SIN3A: variants seen among roughly 807,000 people sequenced by gnomAD.
The protein encoded by SIN3A is SIN3 transcription regulator family member A, also known as paired amphipathic helix protein Sin3a.
Under a neutral mutation model 146.1 loss-of-function variants are expected in SIN3A, and 14 were observed. The ratio of observed to expected loss-of-function variants is 0.10; its 90% CI spans 0.06 to 0.15. The LOEUF is 0.15. Among genes scored for constraint, SIN3A ranks in the 10% least tolerant of loss-of-function variants. SIN3A has a pLI of 1.00. For synonymous variants in SIN3A, 572 were observed against 572.0 expected (o/e 1.00, Z 0.00); for missense variants, 1,028 against 1,576.0 (o/e 0.65, Z 5.89).
chr15:75,438,941 G>C (rs953853107), intron 1 of SIN3A, among the ~76,000 whole-genome samples: 7 of 152,158 alleles, frequency 4.6e-5, no homozygotes, highest in African/African-American at 1.7e-4. Context: ...TGCTAAGAAA[G>C]AATCTATTAC....
At position 75,443,348 on chromosome 15, in the gene SIN3A, C is replaced by A. The variant is rs567598771; in HGVS notation, c.-34+8075G>T. Reference sequence around the variant, plus strand: ...ATAAAAATTACCATGTACTCCTTCACCTAGATTCTCCAAATGTTAACATCT... The same window carrying A: ...ATAAAAATTACCATGTACTCCTTCAACTAGATTCTCCAAATGTTAACATCT... On this transcript the variant is annotated intron_variant, in intron 1 of 20. Coordinates refer to ENST00000394947, the MANE Select transcript of SIN3A (RefSeq NM_001145358.2). 3.9e-5 allele frequency among the ~76,000 whole-genome samples: 6 copies of A among 152,278 alleles called. No individual in the cohort carries two copies. The South Asian group carries it at 1.2e-3, about 32-fold the overall frequency.
intron 12 of SIN3A, among the ~76,000 whole-genome samples, chr15:75,397,166 G>T (rs574497617): frequency 6.6e-6 from 1 of 152,270 alleles, no homozygotes; most frequent in Non-Finnish European, 1.5e-5. Flanking sequence ...TTAAAATAAG[G>T]TTCTCTAAAT....
At chr15:75,428,906 G>A (rs1044876158) in intron 2 of SIN3A, among the ~76,000 whole-genome samples, 2 of 152,110 alleles carry the variant, frequency 1.3e-5, no homozygotes, top group Admixed American at 6.6e-5. Context: ...TCCTCAATGT[G>A]AAGACAAGGA....
intron 20 of SIN3A, among the ~76,000 whole-genome samples, chr15:75,374,185 T>G (rs1408897864): frequency 6.6e-6 from 1 of 152,098 alleles, no homozygotes; most frequent in Non-Finnish European, 1.5e-5. Flanking sequence ...CACCATCTCT[T>G]GTCAATTAAA....
At chr15:75,453,243 T>C (rs1427161537), upstream of SIN3A, 1 of 152,558 alleles carries the variant, frequency 6.6e-6, no homozygotes, top group Non-Finnish European at 1.5e-5. Flanking sequence ...AGCGATGGCT[T>C]CGAGCCGCGA....
chr15:75,399,451 C>T (rs2073369614), intron 12 of SIN3A, among the ~76,000 whole-genome samples: 1 of 152,090 alleles, frequency 6.6e-6, no homozygotes, highest in African/African-American at 2.4e-5. Flanking sequence ...TGGCATGAAC[C>T]TGGGAGGCAG....
rs747312732 is a variant in SIN3A, at chr15:75,401,958, G to T, written c.1420C>A (p.Leu474Ile). 5.0e-5 allele frequency: 80 copies of T among 1,606,772 alleles called. No individual in the cohort carries two copies. The highest frequency in any genetic ancestry group is 6.2e-5 in the Non-Finnish European group (73 of 1,173,618). The stretch of plus-strand genomic sequence containing the variant: ...TTTTCGTAGGCTTCTGCACTCCGAA[G>T]AGCCTTTCGGACCTTATGGAGACAA... ...SLFFDKVRKA[L>I]RSAEAYENFL... Residue 474 changes from leucine (L) to isoleucine (I), a missense_variant, in exon 10 of 21, where the codon CTT becomes ATT. Leu to Ile is a conservative substitution (Grantham distance 5). This residue lies in a region of SIN3A where 157 missense variants were observed against 284.8 expected (regional missense o/e 0.55). Transcript: ENST00000394947.
upstream of SIN3A, chr15:75,455,631 C>G (rs2074477786): frequency 6.6e-6 from 1 of 152,194 alleles, no homozygotes; most frequent in African/African-American, 2.4e-5. Context: ...TGTCCCTCGC[C>G]TACCTCGGCC....
chr15:75,397,949 G>A (rs538592971), intron 12 of SIN3A, among the ~76,000 whole-genome samples: 2 of 152,288 alleles, frequency 1.3e-5, no homozygotes, highest in South Asian at 4.1e-4. Flanking sequence ...TTAGCTTTCT[G>A]CAAATAGGTG....
At chr15:75,411,461 G>C (rs917861514) in intron 6 of SIN3A, 31 bp downstream of exon 6, 1 of 1,597,716 alleles carries the variant, frequency 6.3e-7, no homozygotes, top group Non-Finnish European at 8.5e-7. Context: ...AGGGTGACCT[G>C]GTTAAGACAG....
intron 20 of SIN3A, among the ~76,000 whole-genome samples, chr15:75,374,294 G>GA (rs1477521550): frequency 7.2e-5 from 11 of 152,152 alleles, no homozygotes; most frequent in Non-Finnish European, 1.5e-4. Flanking sequence ...TCAGGTTCGA[G>GA]ACCAGCCTGG....
intron 19 of SIN3A, among the ~76,000 whole-genome samples, chr15:75,378,377 C>T (rs1480293918): frequency 1.3e-5 from 2 of 152,090 alleles, no homozygotes; most frequent in African/African-American, 4.8e-5. Context: ...CCAGCCAGAC[C>T]AACATGGAGA....
intron 1 of SIN3A, 84 bp downstream of exon 1, chr15:75,451,339 C>CG (rs1378508515): frequency 5.5e-5 from 7 of 127,266 alleles, no homozygotes; most frequent in Non-Finnish European, 1.1e-4. Context: ...GAGGTCAGCC[C>CG]CCCCCCCCCA....
Position 75,430,286 on chromosome 15 carries a change from C to T in SIN3A, c.90G>A (p.Gln30=), listed in dbSNP as rs2073992970. 6.2e-7 allele frequency: 1 copy of T among 1,614,152 alleles called. No individual in the cohort carries two copies. The highest frequency in any genetic ancestry group is 1.7e-4 in the Middle Eastern group (1 of 6,060). ...GAGGGGCAGGGGCAAGCACCCGGTG[C>T]TGGTGAGGAAAAGCCTCTGTGCTGC... is the stretch of plus-strand genomic sequence containing the variant. The part of the protein sequence containing the change: ...IPGSTEAFPH[Q]HRVLAPAPPV... The change falls in exon 2 of 21, where the codon CAG becomes CAA. Residue 30 remains glutamine, a synonymous_variant. Transcript: ENST00000394947.
At chr15:75,423,011 T>C (rs1487808110) in intron 2 of SIN3A, among the ~76,000 whole-genome samples, 188 bp from the exon 3 acceptor site, 2 of 152,206 alleles carry the variant, frequency 1.3e-5, no homozygotes, top group Non-Finnish European at 2.9e-5. Context: ...AAGGCTGCAG[T>C]GAGCTATGAT....
In SIN3A at chr15:75,414,324, TA is replaced by T; in HGVS notation, c.367-14del. 7.1e-7 allele frequency: 1 copy of T among 1,405,254 alleles called. No individual in the cohort carries two copies. The highest frequency in any genetic ancestry group is 9.6e-7 in the Non-Finnish European group (1 of 1,044,328). 87.0% of individuals were successfully genotyped at this position (1,405,254 alleles called of 1,614,324 possible). On this transcript the variant is annotated splice_polypyrimidine_tract_variant and intron_variant, in intron 3 of 20. Coordinates refer to ENST00000394947, the MANE Select transcript of SIN3A (RefSeq NM_001145358.2). ...GCGCATCCTCCACCTGAGGCAGGGA[TA>T]AATATCAAGGTTATAAAAAGAAAGT...
chr15:75,394,707 G>A lies in SIN3A; in HGVS notation c.2250C>T (p.Leu750=). 1 of 1,613,646 alleles carries A rather than the reference G, an allele frequency of 6.2e-7. No homozygotes were observed. Among genetic ancestry groups the A allele is most frequent in the Non-Finnish European group, 8.5e-7 (1 of 1,179,830 alleles). Residue 750 remains leucine, a synonymous_variant, in exon 14 of 21, where the codon CTC becomes CTT. Coordinates refer to ENST00000394947, the MANE Select transcript of SIN3A (RefSeq NM_001145358.2). ...CATCATAGATACTCTCAATCTCATTGAGTAAGCTCTTAGACCTCAGGACCT... is the reference window on the plus strand; with the variant it reads ...CATCATAGATACTCTCAATCTCATTAAGTAAGCTCTTAGACCTCAGGACCT... ...DTKVLRSKSL[L]NEIESIYDER...
intron 15 of SIN3A, among the ~76,000 whole-genome samples, chr15:75,391,136 T>A: frequency 6.6e-6 from 1 of 152,300 alleles, no homozygotes; most frequent in Non-Finnish European, 1.5e-5. Context: ...ATAGAATAGG[T>A]ATAGGCTATA....
chr15:75,421,905 T>C (rs2073844955), intron 3 of SIN3A: 1 of 152,174 alleles, frequency 6.6e-6, no homozygotes, highest in Non-Finnish European at 1.5e-5. Context: ...ACTGAAAACG[T>C]ACCACACATA....
Sources: allele counts gnomAD v4.1 joint callset (sites outside exome capture counted in the v4.1 genomes callset), GRCh38; gene constraint gnomAD v4.1.1; regional missense constraint gnomAD v4.1.1; transcripts MANE v1.5; gene names NCBI Gene and HGNC (gene_info 2026-07-23, HGNC 2026-07-21).